The following STARD10 variants were observed in gnomAD, a reference collection of about 807,000 sequenced individuals.
STARD10 encodes START domain-containing protein 10.
A neutral mutation model predicts 36.0 loss-of-function variants in STARD10; 24 were observed. That is an observed-to-expected ratio of 0.67 (90% CI 0.48 to 0.94). STARD10 has a LOEUF of 0.94. STARD10 is among the 40% of genes least tolerant of loss of function. The probability of loss-of-function intolerance (pLI) is 0.00; values close to 1 mark genes in which losing one functional copy is unlikely to be tolerated. For missense variants in STARD10, 335 were observed against 396.6 expected, an observed-to-expected ratio of 0.84 and a Z score of 1.32; for synonymous variants, 156 against 161.9, an observed-to-expected ratio of 0.96 and a Z score of 0.28.
chr11:72,766,619 C>G (rs1216545031), intron 2 of STARD10, among the ~76,000 whole-genome samples: 1 of 152,170 alleles, frequency 6.6e-6, no homozygotes, highest in African/African-American at 2.4e-5. Context: ...CCCCACCTCT[C>G]TCCCGCCCCC....
chr11:72,772,042 C>G (rs1858865327), intron 2 of STARD10, among the ~76,000 whole-genome samples: 2 of 152,228 alleles, frequency 1.3e-5, no homozygotes, highest in Non-Finnish European at 2.9e-5. Flanking sequence ...TCATCCCCAA[C>G]AGCCCCCAGA....
At chr11:72,761,917 C>CTTTTTTTTTTT (rs1189000490) in intron 2 of STARD10, among the ~76,000 whole-genome samples, 31 of 37,470 alleles carry the variant, frequency 8.3e-4, no homozygotes, top group African/African-American at 1.2e-3. Context: ...CTTTTCTTTT[C>CTTTTTTTTTTT]TTTTTTTTTT....
intron 2 of STARD10, among the ~76,000 whole-genome samples, chr11:72,774,579 C>T (rs1858906485): frequency 6.6e-6 from 1 of 152,240 alleles, no homozygotes; most frequent in African/African-American, 2.4e-5. Flanking sequence ...GGGGCTGTCT[C>T]AAGCCCAACA....
rs376868998 is a variant in STARD10, at chr11:72,755,089, C to T, written c.684G>A (p.Lys228=). ...ACLKYPEWKQ[K]HLPHFKPWLH... ...GCCACGGCTTGAAGTGAGGCAGGTGCTTCTGTTTCCACTCGGGGTACTTGA... is the reference window on the plus strand; with the variant it reads ...GCCACGGCTTGAAGTGAGGCAGGTGTTTCTGTTTCCACTCGGGGTACTTGA... The change falls in exon 7 of 7, where the codon AAG becomes AAA. Residue 228 remains lysine (K), a synonymous_variant. Transcript: ENST00000334805. 686 of 1,613,382 alleles carry T rather than the reference C, an allele frequency of 4.3e-4. 3 individuals carry two copies. The highest frequency in any genetic ancestry group is 2.9e-4 in the Non-Finnish European group (346 of 1,179,778).
chr11:72,758,977 T>A (rs566986649), intron 3 of STARD10, among the ~76,000 whole-genome samples: 5 of 152,210 alleles, frequency 3.3e-5, no homozygotes, highest in Non-Finnish European at 7.3e-5. Flanking sequence ...GGGTGGGGGC[T>A]GTGTGCCTGA....
chr11:72,769,260 A>ATACTCACTGCTTATGAGG (rs566525675), intron 2 of STARD10, among the ~76,000 whole-genome samples: 6 of 152,176 alleles, frequency 3.9e-5, no homozygotes, highest in Non-Finnish European at 5.9e-5. Context: ...AATATATAAA[A>ATACTCACTGCTTATGAGG]TACTCACTGC....
At chr11:72,755,926 C>T (rs1858638434) in intron 5 of STARD10, 173 bp from the exon 6 acceptor site, 4 of 582,254 alleles carry the variant, frequency 6.9e-6, no homozygotes, top group East Asian at 3.0e-5. Flanking sequence ...CACCTCAGAC[C>T]GAAGTCCTCA....
intron 2 of STARD10, among the ~76,000 whole-genome samples, chr11:72,769,836 C>G (rs1858835014): frequency 6.6e-6 from 1 of 152,210 alleles, no homozygotes; most frequent in African/African-American, 2.4e-5. Context: ...AGAGTGACAT[C>G]ACCCTAATGA....
intron 2 of STARD10, among the ~76,000 whole-genome samples, chr11:72,766,770 T>C (rs3862789): frequency 0.4 from 60,352 of 152,090 alleles, 13,582 homozygotes; most frequent in East Asian, 0.54. Flanking sequence ...GTCCCCTCCA[T>C]GGGGCCACGT....
At chr11:72,756,399 A>ACTCACTCC (rs1858644815) in intron 5 of STARD10, among the ~76,000 whole-genome samples, 1 of 151,092 alleles carries the variant, frequency 6.6e-6, no homozygotes, top group South Asian at 2.1e-4. Flanking sequence ...TCACTCACTC[A>ACTCACTCC]CTCACTCCAT....
chr11:72,776,072 G>A (rs1192093772), intron 2 of STARD10, among the ~76,000 whole-genome samples: 1 of 152,182 alleles, frequency 6.6e-6, no homozygotes, highest in Non-Finnish European at 1.5e-5. Flanking sequence ...GGACAGCTCT[G>A]GAACTACTTC....
In STARD10 at chr11:72,793,125, A is replaced by G. The variant is rs1409289513; in HGVS notation, c.-364T>C. 1 of 152,296 alleles carries G rather than the reference A, an allele frequency of 6.6e-6. No homozygotes were observed. Among genetic ancestry groups the G allele is most frequent in the African/African-American group, 2.4e-5 (1 of 41,476 alleles). The allele number at this position is 152,296 out of a possible 1,614,324, so 9.4% of individuals were successfully genotyped here. A position where few individuals can be genotyped will look rare whatever the true frequency, so the allele number is the denominator to read the frequency against. ...GGGTACAAGGAAGGGCTCCAGGCCC[A>G]AAGGCAGGAGGATTAGGCTTTAGCT... On this transcript the variant is annotated 5_prime_UTR_variant, in exon 1 of 7. Coordinates refer to ENST00000334805, the MANE Select transcript of STARD10 (RefSeq NM_006645.3).
chr11:72,759,334 G>GA lies in STARD10; in HGVS notation c.254dup (p.Leu86ProfsTer5). On this transcript the variant is annotated frameshift_variant, in exon 3 of 7. Transcript: ENST00000334805. LOFTEE classifies it high-confidence loss of function. The stretch of plus-strand genomic sequence containing the variant: ...TCTTGCGGTACTCAATGTCGTGTAG[G>GA]ACGTCGTAGAGTGTCTCGGCTGGCA... The GA allele has an allele frequency of 6.2e-7, 1 of 1,614,138 alleles. No homozygotes were observed.
rs143435028 is a variant in STARD10 at position 72,767,645 on chromosome 11, A to G, written c.208-8264T>C. ...AAGCTCACAGATTCCTCCTCCAAAC[A>G]AAGCTCCTGACCCAAGTTCCAGATT... is the stretch of plus-strand genomic sequence containing the variant. On this transcript the variant is annotated intron_variant, in intron 2 of 6. Transcript: ENST00000334805. Among the ~76,000 whole-genome samples, 710 of 152,258 alleles carry G rather than the reference A, an allele frequency of 4.7e-3. 5 individuals carry two copies. The highest frequency in any genetic ancestry group is 0.017 in the African/African-American group (688 of 41,552).
intron 2 of STARD10, chr11:72,780,482 A>G: frequency 2.4e-6 from 1 of 422,588 alleles, no homozygotes; most frequent in Non-Finnish European, 4.8e-6. Flanking sequence ...GAGGGAAGGG[A>G]AAGAGCAAGA....
At chr11:72,755,778 GCAGCCTCAGGGACC>G (rs1241178766) in intron 5 of STARD10, 25 bp from the exon 6 acceptor site, 1 of 1,600,988 alleles carries the variant, frequency 6.2e-7, no homozygotes, top group African/African-American at 1.3e-5. Flanking sequence ...AAGGGAGGAA[GCAGCCTCAGGGACC>G]CAGCCCCTCC....
At position 72,762,122 on chromosome 11, in the gene STARD10, C is replaced by CA. The variant is rs542701304; in HGVS notation, c.208-2742dup. Among the ~76,000 whole-genome samples, 71 of 151,702 alleles carry CA rather than the reference C, an allele frequency of 4.7e-4. No homozygotes were observed. The South Asian group carries it at 8.8e-3, about 19-fold the overall frequency. On this transcript the variant is annotated intron_variant, in intron 2 of 6. Transcript: ENST00000334805. Reference sequence around the variant, plus strand: ...TGTATTTTTAATAGAGACGGGGTTTCACCATGTTGGCCAGGCTGGTCTCAA... The same window carrying CA: ...TGTATTTTTAATAGAGACGGGGTTTCAACCATGTTGGCCAGGCTGGTCTCAA...
At chr11:72,755,586 C>G (rs1176650492) in intron 6 of STARD10, 115 bp downstream of exon 6, 1 of 1,237,086 alleles carries the variant, frequency 8.1e-7, no homozygotes, top group Non-Finnish European at 1.2e-6. Flanking sequence ...GCTGGGATTA[C>G]AGGCATGAGC....
chr11:72,761,018 CT>C (rs1858709053), intron 2 of STARD10, among the ~76,000 whole-genome samples: 1 of 152,226 alleles, frequency 6.6e-6, no homozygotes, highest in Non-Finnish European at 1.5e-5. Flanking sequence ...TGTCTTCCCC[CT>C]CATCCCAGAA....
Sources: gnomAD v4.1 joint callset for allele counts (sites outside exome capture counted in the v4.1 genomes callset) on GRCh38, gnomAD v4.1.1 for gene constraint, MANE v1.5 for transcripts, NCBI Gene and HGNC (gene_info 2026-07-23, HGNC 2026-07-21) for gene names.